The following UQCC1 variants were observed in gnomAD, a reference collection of about 807,000 sequenced individuals.
The protein encoded by UQCC1 is ubiquinol-cytochrome c reductase complex assembly factor 1.
In UQCC1, 38 loss-of-function variants were observed where a neutral mutation model predicts 48.0. That is an observed-to-expected ratio of 0.79 (90% CI 0.61 to 1.04). UQCC1 has a LOEUF of 1.04. Among genes scored for constraint, UQCC1 ranks in the 50% least tolerant of loss-of-function variants. The pLI, the probability that UQCC1 is intolerant of heterozygous loss-of-function variation, is 0.00. For missense variants in UQCC1, 368 were observed against 381.8 expected (o/e 0.96, Z 0.30); for synonymous variants, 111 against 129.2 (o/e 0.86, Z 0.95).
chr20:35,334,951 C>T (rs1174092558), intron 7 of UQCC1, among the ~76,000 whole-genome samples: 2 of 152,178 alleles, frequency 1.3e-5, no homozygotes, highest in African/African-American at 4.8e-5. Flanking sequence ...CAGGCTTACC[C>T]GAAGAGTGGC....
At chr20:35,328,763 C>T (rs559318891) in intron 7 of UQCC1, among the ~76,000 whole-genome samples, 2 of 152,334 alleles carry the variant, frequency 1.3e-5, no homozygotes, top group African/African-American at 4.8e-5. Context: ...CTGCCTCATC[C>T]TCCCATTACA....
chr20:35,404,292 C>G (rs994811593), intron 1 of UQCC1, among the ~76,000 whole-genome samples: 2 of 151,848 alleles, frequency 1.3e-5, no homozygotes, highest in African/African-American at 4.8e-5. Flanking sequence ...ATGGCGTGAA[C>G]CCAGGAGGCG....
intron 2 of UQCC1, among the ~76,000 whole-genome samples, chr20:35,384,361 C>T (rs2061912006): frequency 6.6e-6 from 1 of 152,096 alleles, no homozygotes. Flanking sequence ...AGAATTTGGG[C>T]CAGGCACAAT....
intron 2 of UQCC1, among the ~76,000 whole-genome samples, chr20:35,385,524 C>T (rs1343001655): frequency 6.6e-6 from 1 of 152,130 alleles, no homozygotes; most frequent in African/African-American, 2.4e-5. Context: ...TTTTTTGAGA[C>T]AAGGTCTGGC....
chr20:35,304,973 T>G (rs2060912590), intron 9 of UQCC1, among the ~76,000 whole-genome samples: 2 of 152,116 alleles, frequency 1.3e-5, no homozygotes, highest in African/African-American at 4.8e-5. Context: ...GTGCCACCCC[T>G]CTGCCCACCT....
intron 7 of UQCC1, among the ~76,000 whole-genome samples, chr20:35,324,860 G>A (rs913817784): frequency 3.9e-5 from 6 of 152,120 alleles, no homozygotes; most frequent in Non-Finnish European, 5.9e-5. Context: ...AATTGAAAGC[G>A]GGAATTGGAA....
intron 1 of UQCC1, among the ~76,000 whole-genome samples, chr20:35,403,293 T>G (rs1254888728): frequency 1.3e-5 from 2 of 152,170 alleles, no homozygotes; most frequent in Non-Finnish European, 2.9e-5. Context: ...GAATAACTGG[T>G]GTGGGCTTTT....
chr20:35,402,826 G>C (rs2062187564), intron 1 of UQCC1, among the ~76,000 whole-genome samples: 1 of 151,556 alleles, frequency 6.6e-6, no homozygotes, highest in Non-Finnish European at 1.5e-5. Context: ...AGTACTTTGG[G>C]AGGCCGAGGC....
At chr20:35,406,267 TA>T (rs2062249047) in intron 1 of UQCC1, among the ~76,000 whole-genome samples, 1 of 152,130 alleles carries the variant, frequency 6.6e-6, no homozygotes, top group Non-Finnish European at 1.5e-5. Context: ...CAAGAAGCTC[TA>T]CTAACTCCAA....
At chr20:35,373,687 C>CAAAAAA (rs5841203) in intron 5 of UQCC1, among the ~76,000 whole-genome samples, 1 of 86,274 alleles carries the variant, frequency 1.2e-5, no homozygotes, top group Non-Finnish European at 2.3e-5. Context: ...GACTCCATCT[C>CAAAAAA]AAAAAAAAAA....
intron 7 of UQCC1, among the ~76,000 whole-genome samples, chr20:35,330,294 T>G (rs912905463): frequency 3.7e-4 from 56 of 152,244 alleles, no homozygotes; most frequent in African/African-American, 1.2e-3. Context: ...CTACCGCTAC[T>G]ATATGACACT....
At chr20:35,343,438 C>T (rs995233550) in intron 7 of UQCC1, among the ~76,000 whole-genome samples, 2 of 152,166 alleles carry the variant, frequency 1.3e-5, no homozygotes, top group Non-Finnish European at 2.9e-5. Context: ...TGTACACACA[C>T]GGAAGACTGA....
intron 9 of UQCC1, 167 bp downstream of exon 9, chr20:35,306,499 T>C: frequency 1.7e-6 from 1 of 596,488 alleles, no homozygotes; most frequent in South Asian, 2.0e-5. Flanking sequence ...CAGTTCATGG[T>C]TGGACATACA....
chr20:35,317,697 T>G (rs2061077399), intron 7 of UQCC1, among the ~76,000 whole-genome samples: 1 of 152,172 alleles, frequency 6.6e-6, no homozygotes, highest in African/African-American at 2.4e-5. Flanking sequence ...GGCACCCCCA[T>G]CATCTGGTCC....
chr20:35,305,290 C>A (rs1482368638), intron 9 of UQCC1, among the ~76,000 whole-genome samples: 2 of 152,212 alleles, frequency 1.3e-5, no homozygotes, highest in Non-Finnish European at 2.9e-5. Context: ...AAGCTCCCTG[C>A]TTTCCCAAGA....
intron 1 of UQCC1, 29 bp downstream of exon 1, chr20:35,411,911 C>T: frequency 6.2e-7 from 1 of 1,614,164 alleles, no homozygotes; most frequent in Non-Finnish European, 8.5e-7. Context: ...ACCCAGAGAG[C>T]TACCGTAGAA....
chr20:35,365,055 T>A (rs540910093), intron 6 of UQCC1, among the ~76,000 whole-genome samples: 1 of 152,308 alleles, frequency 6.6e-6, no homozygotes, highest in Non-Finnish European at 1.5e-5. Context: ...CTGAACGCTA[T>A]GCCTTACCCT....
chr20:35,358,552 T>A (rs2061572663), intron 6 of UQCC1, among the ~76,000 whole-genome samples: 1 of 152,120 alleles, frequency 6.6e-6, no homozygotes, highest in African/African-American at 2.4e-5. Context: ...AAGCTACTAC[T>A]CTGTTTAGGA....
chr20:35,306,948 A>C lies in UQCC1; in HGVS notation c.652-169T>G, dbSNP rs1030598886. 4.4e-6 allele frequency: 3 copies of C among 674,792 alleles called. No homozygotes were observed. The Admixed American group carries it at 6.1e-5, about 14-fold the overall frequency. The allele number at this position is 674,792 out of a possible 1,614,324, so 41.8% of individuals were successfully genotyped here. ...CAGTAGAGGTGGAAGGGGTCTTACAAGGGTATCTGGCCCAATCCCTTCATT... is the reference window on the plus strand; with the variant it reads ...CAGTAGAGGTGGAAGGGGTCTTACACGGGTATCTGGCCCAATCCCTTCATT... On this transcript the variant is annotated intron_variant, in intron 8 of 9. Transcript: ENST00000374385.
Sources: gnomAD v4.1 joint callset for allele counts (sites outside exome capture counted in the v4.1 genomes callset) on GRCh38, gnomAD v4.1.1 for gene constraint, MANE v1.5 for transcripts, NCBI Gene and HGNC (gene_info 2026-07-23, HGNC 2026-07-21) for gene names.